ENTREP2: variants seen among roughly 807,000 people sequenced by gnomAD.
ENTREP2 encodes the protein protein ENTREP2.
chr15:29,499,363 A>G, the ENTREP2 span, among the ~76,000 whole-genome samples: 28 of 152,202 alleles, frequency 1.8e-4, no homozygotes, highest in Admixed American at 1.1e-3. Context: ...TATTATAGTT[A>G]TAACAGTTTA....
At chr15:29,188,643 T>C in the ENTREP2 span, among the ~76,000 whole-genome samples, 1 of 152,336 alleles carries the variant, frequency 6.6e-6, no homozygotes, top group Non-Finnish European at 1.5e-5. Context: ...GTATTTGGTG[T>C]TTGACCCCAG....
the ENTREP2 span, among the ~76,000 whole-genome samples, chr15:29,360,900 T>C: frequency 3.3e-5 from 5 of 152,322 alleles, no homozygotes; most frequent in African/African-American, 1.2e-4. Flanking sequence ...ACCCATCTCC[T>C]GAAGCCAGGA....
the ENTREP2 span, among the ~76,000 whole-genome samples, chr15:29,334,970 C>A: frequency 6.6e-6 from 1 of 152,150 alleles, no homozygotes; most frequent in African/African-American, 2.4e-5. Flanking sequence ...TTGGACATTC[C>A]ATCGCAGCAG....
At chr15:29,224,313 T>C in the ENTREP2 span, among the ~76,000 whole-genome samples, 2 of 152,122 alleles carry the variant, frequency 1.3e-5, no homozygotes, top group African/African-American at 4.8e-5. Context: ...TAAAGGCAGT[T>C]TGGACCCAAA....
the ENTREP2 span, among the ~76,000 whole-genome samples, chr15:29,541,511 A>C: frequency 6.6e-6 from 1 of 152,200 alleles, no homozygotes; most frequent in Non-Finnish European, 1.5e-5. Context: ...GAGAGGGGCC[A>C]GCCATCCAGA....
chr15:29,571,104 G>A, the ENTREP2 span, among the ~76,000 whole-genome samples: 1 of 151,020 alleles, frequency 6.6e-6, no homozygotes, highest in Non-Finnish European at 1.5e-5. Flanking sequence ...CTGGGCCCCA[G>A]CTGGGGCGGG....
At chr15:29,224,142 C>T in the ENTREP2 span, among the ~76,000 whole-genome samples, 533 of 152,208 alleles carry the variant, frequency 3.5e-3, 2 homozygotes, top group African/African-American at 0.012. Flanking sequence ...CTGGTGGGTT[C>T]GTGGTCTCGC....
the ENTREP2 span, among the ~76,000 whole-genome samples, chr15:29,382,232 AG>A: frequency 6.6e-6 from 1 of 150,954 alleles, no homozygotes; most frequent in East Asian, 1.9e-4. Flanking sequence ...ACTGCACTCC[AG>A]CCTGGGAGGC....
the ENTREP2 span, among the ~76,000 whole-genome samples, chr15:29,571,061 G>T: frequency 6.8e-6 from 1 of 147,398 alleles, no homozygotes; most frequent in African/African-American, 2.5e-5. Flanking sequence ...GCGAGCCGCT[G>T]CCGTCCCCGG....
At chr15:29,279,072 C>T in the ENTREP2 span, among the ~76,000 whole-genome samples, 2 of 152,160 alleles carry the variant, frequency 1.3e-5, no homozygotes, top group African/African-American at 2.4e-5. Flanking sequence ...TGGACCAGAG[C>T]CCCACTGTAA....
the ENTREP2 span, among the ~76,000 whole-genome samples, chr15:29,341,162 GC>G: frequency 6.6e-6 from 1 of 152,200 alleles, no homozygotes; most frequent in African/African-American, 2.4e-5. Flanking sequence ...GACATGTCCT[GC>G]CCATCACACC....
the ENTREP2 span, among the ~76,000 whole-genome samples, chr15:29,629,412 G>C: frequency 6.6e-6 from 1 of 152,040 alleles, no homozygotes; most frequent in Non-Finnish European, 1.5e-5. Context: ...TGGATTACCT[G>C]AATGTTATTT....
At chr15:29,132,711 G>A in the ENTREP2 span, among the ~76,000 whole-genome samples, 2 of 152,190 alleles carry the variant, frequency 1.3e-5, no homozygotes, top group Non-Finnish European at 2.9e-5. Context: ...GAACACAACA[G>A]GAACCCATTC....
chr15:29,219,729 T>C, the ENTREP2 span, among the ~76,000 whole-genome samples: 18 of 145,072 alleles, frequency 1.2e-4, no homozygotes, highest in African/African-American at 3.1e-4. Context: ...CTGGATGAGA[T>C]TGGAGACTAC....
At chr15:29,289,891 T>C in the ENTREP2 span, among the ~76,000 whole-genome samples, 1 of 152,170 alleles carries the variant, frequency 6.6e-6, no homozygotes, top group Non-Finnish European at 1.5e-5. Flanking sequence ...ACAGCAGCAT[T>C]ATTTGTAATA....
chr15:29,432,020 T>C, the ENTREP2 span, among the ~76,000 whole-genome samples: 1 of 152,218 alleles, frequency 6.6e-6, no homozygotes, highest in Non-Finnish European at 1.5e-5. Context: ...TTTCATCCTT[T>C]GTTGCTCTAA....
chr15:29,616,425 A>AT, the ENTREP2 span, among the ~76,000 whole-genome samples: 2 of 151,866 alleles, frequency 1.3e-5, no homozygotes, highest in Non-Finnish European at 2.9e-5. Context: ...TCAGAGGTGG[A>AT]TTTTTTTCCA....
At chr15:29,629,559 A>G in the ENTREP2 span, among the ~76,000 whole-genome samples, 1 of 152,188 alleles carries the variant, frequency 6.6e-6, no homozygotes, top group Non-Finnish European at 1.5e-5. Flanking sequence ...CAAGTGTAGA[A>G]ACTTTACTTC....
At chr15:29,180,120 G>C in the ENTREP2 span, among the ~76,000 whole-genome samples, 1 of 152,126 alleles carries the variant, frequency 6.6e-6, no homozygotes, top group Non-Finnish European at 1.5e-5. Context: ...CATAGGAGTG[G>C]AGGAACACAT....
Sources: gnomAD v4.1 joint callset for allele counts (sites outside exome capture counted in the v4.1 genomes callset) on GRCh38, gnomAD v4.1.1 for gene constraint, MANE v1.5 for transcripts, NCBI Gene and HGNC (gene_info 2026-07-23, HGNC 2026-07-21) for gene names.